WASF1: variants seen among roughly 807,000 people sequenced by gnomAD.
WASF1 encodes actin-binding protein WASF1.
Under a neutral mutation model 50.5 loss-of-function variants are expected in WASF1, and 7 were observed. That is an observed-to-expected ratio of 0.14 (90% CI 0.08 to 0.26). The LOEUF is 0.26. Ranked by LOEUF, WASF1 falls within the 10% of genes least tolerant of loss-of-function variation. The pLI, the probability that WASF1 is intolerant of heterozygous loss-of-function variation, is 1.00. For synonymous variants in WASF1, 205 were observed against 244.0 expected, an observed-to-expected ratio of 0.84 and a Z score of 1.49; for missense variants, 470 against 694.7, an observed-to-expected ratio of 0.68 and a Z score of 3.64.
chr6:110,106,303 C>CT (rs1471250642), intron 7 of WASF1, among the ~76,000 whole-genome samples: 1 of 152,174 alleles, frequency 6.6e-6, no homozygotes, highest in Non-Finnish European at 1.5e-5. Context: ...AAAACACTCC[C>CT]TACAGGCATA....
At position 110,130,134 on chromosome 6, in the gene WASF1, T is replaced by C. The variant is rs545215545; in HGVS notation, c.-28-2505A>G. On this transcript the variant is annotated intron_variant, in intron 3 of 10. Transcript: ENST00000392589. ...ATGCTTTTAACAATTTTTGCATAAA[T>C]TTGTTTCCTCTGACCTATTTGTTTA... Among the ~76,000 whole-genome samples the C allele has an allele frequency of 4.6e-5, 7 of 152,356 alleles. No individual in the cohort carries two copies. In the South Asian group the frequency reaches 1.2e-3, roughly 27 times the overall value.
chr6:110,175,604 T>G (rs1428593163), intron 2 of WASF1, among the ~76,000 whole-genome samples: 1 of 152,188 alleles, frequency 6.6e-6, no homozygotes, highest in East Asian at 1.9e-4. Flanking sequence ...TCCGAAGTCA[T>G]CTACTTCTAC....
At chr6:110,108,875 C>A (rs959136677) in intron 5 of WASF1, among the ~76,000 whole-genome samples, 194 bp from the exon 6 acceptor site, 1 of 152,132 alleles carries the variant, frequency 6.6e-6, no homozygotes, top group African/African-American at 2.4e-5. Context: ...GCCTAATTTT[C>A]CCAATCAGAT....
chr6:110,116,590 G>A (rs1376897093), intron 4 of WASF1, among the ~76,000 whole-genome samples: 4 of 152,184 alleles, frequency 2.6e-5, no homozygotes, highest in Non-Finnish European at 5.9e-5. Context: ...CACCTCTTGG[G>A]GAAGGACGTA....
intron 3 of WASF1, among the ~76,000 whole-genome samples, chr6:110,143,604 C>T (rs1284513896): frequency 6.6e-6 from 1 of 151,908 alleles, no homozygotes; most frequent in Non-Finnish European, 1.5e-5. Context: ...TTGTAGTTAA[C>T]AATTCAGAGG....
At chr6:110,131,979 C>A (rs1020973083) in intron 3 of WASF1, among the ~76,000 whole-genome samples, 7 of 152,158 alleles carry the variant, frequency 4.6e-5, no homozygotes, top group African/African-American at 1.2e-4. Flanking sequence ...TGTTATTAAA[C>A]CTATCATATT....
chr6:110,103,678 G>A (rs1773193511), intron 8 of WASF1, 121 bp from the exon 9 acceptor site: 3 of 871,932 alleles, frequency 3.4e-6, no homozygotes, highest in African/African-American at 1.7e-5. Flanking sequence ...CTATTTTTAA[G>A]AAACTTTCAG....
intron 3 of WASF1, among the ~76,000 whole-genome samples, chr6:110,129,622 AGAAAG>A (rs1181716595): frequency 6.7e-6 from 1 of 148,772 alleles, no homozygotes; most frequent in East Asian, 1.9e-4. Context: ...CTAATTTAAA[AGAAAG>A]GAGTGTGACA....
chr6:110,100,365 C>A lies in WASF1; in HGVS notation c.*157G>T. 2.9e-6 allele frequency: 2 copies of A among 681,850 alleles called. No individual in the cohort carries two copies. The highest frequency in any genetic ancestry group is 4.5e-6 in the Non-Finnish European group (2 of 442,496). The allele number at this position is 681,850 out of a possible 1,614,324, so 42.2% of individuals were successfully genotyped here. A position where few individuals can be genotyped will look rare whatever the true frequency, so the allele number is the denominator to read the frequency against. On this transcript the variant is annotated 3_prime_UTR_variant, in exon 11 of 11. Transcript: ENST00000392589. ...TAAAACATTTAGTTTGAAATGTATG[C>A]TAATATTTTCCTTAGAAATCAAAAG...
chr6:110,113,411 A>G lies in WASF1; in HGVS notation c.183T>C (p.Ser61=), dbSNP rs372356462. ...GCAATGAGTTGACTCTGAAGGAAAA[A>G]CTATGTGCTTCATTGAATAATTCTC... ...IFGELFNEAH[S]FSFRVNSLQE... is the part of the protein sequence containing the mutation. Residue 61 remains serine (S), a synonymous_variant, in exon 5 of 11, where the codon AGT becomes AGC. Transcript: ENST00000392589. 13 of 1,603,750 alleles carry G rather than the reference A, an allele frequency of 8.1e-6. No homozygotes were observed. In the African/African-American group the frequency reaches 1.7e-4, roughly 22 times the overall value.
intron 3 of WASF1, among the ~76,000 whole-genome samples, chr6:110,155,623 T>C (rs1776036950): frequency 1.3e-5 from 1 of 77,926 alleles, no homozygotes; most frequent in Non-Finnish European, 2.4e-5. Flanking sequence ...TACATATGTA[T>C]ACATGTGCCA....
chr6:110,165,657 T>C (rs1282421552), intron 2 of WASF1, among the ~76,000 whole-genome samples: 1 of 151,810 alleles, frequency 6.6e-6, no homozygotes, highest in Non-Finnish European at 1.5e-5. Flanking sequence ...TTTCTTTTTT[T>C]ATAATATATT....
chr6:110,108,137 CAAAA>C (rs369773397), intron 6 of WASF1, among the ~76,000 whole-genome samples: 3 of 50,206 alleles, frequency 6.0e-5, no homozygotes, highest in Non-Finnish European at 9.9e-5. Flanking sequence ...GACTCCGCCT[CAAAA>C]AAAAAAAAAA....
chr6:110,158,718 T>A (rs1248014897), intron 3 of WASF1, among the ~76,000 whole-genome samples: 1 of 151,528 alleles, frequency 6.6e-6, no homozygotes, highest in African/African-American at 2.4e-5. Flanking sequence ...AGCATAGCAA[T>A]TTTTTTTAAA....
intron 2 of WASF1, among the ~76,000 whole-genome samples, chr6:110,175,346 TTAAAA>T (rs1176872639): frequency 2.0e-5 from 3 of 151,992 alleles, no homozygotes; most frequent in Non-Finnish European, 4.4e-5. Flanking sequence ...TTTTTAAAAA[TTAAAA>T]CAAACAAAAA....
chr6:110,159,621 A>G (rs1776179903), intron 3 of WASF1, among the ~76,000 whole-genome samples: 1 of 151,928 alleles, frequency 6.6e-6, no homozygotes, highest in Non-Finnish European at 1.5e-5. Context: ...TTAGAAGTTA[A>G]GCATCCCTTA....
chr6:110,138,520 AG>A (rs1190833421), intron 3 of WASF1, among the ~76,000 whole-genome samples: 1 of 152,202 alleles, frequency 6.6e-6, no homozygotes, highest in Non-Finnish European at 1.5e-5. Context: ...TGTGAAGAGG[AG>A]CATCACTGAG....
chr6:110,105,406 C>T lies in WASF1; in HGVS notation c.713+1G>A. 6.3e-7 allele frequency: 1 copy of T among 1,586,096 alleles called. No homozygotes were observed. The highest frequency in any genetic ancestry group is 8.5e-7 in the Non-Finnish European group (1 of 1,169,966). ...AAAAAAAAAAACAAAAGTAAAGAAA[C>T]CTTGTTTCAAAATGAGAGGCTGGGC... is the stretch of plus-strand genomic sequence containing the variant. On this transcript the variant is annotated splice_donor_variant, in intron 8 of 10. Transcript: ENST00000392589. LOFTEE classifies it high-confidence loss of function.
At chr6:110,147,690 T>C (rs1001894079) in intron 3 of WASF1, among the ~76,000 whole-genome samples, 3 of 152,188 alleles carry the variant, frequency 2.0e-5, no homozygotes, top group Non-Finnish European at 2.9e-5. Flanking sequence ...ATATAACCAC[T>C]ACTGAAACTT....
Sources: allele counts gnomAD v4.1 joint callset (sites outside exome capture counted in the v4.1 genomes callset), GRCh38; gene constraint gnomAD v4.1.1; transcripts MANE v1.5; gene names NCBI Gene and HGNC (gene_info 2026-07-23, HGNC 2026-07-21).